The following STK32B variants were observed in gnomAD, a reference collection of about 807,000 sequenced individuals.
The protein encoded by STK32B is serine/threonine kinase 32B, also known as serine/threonine-protein kinase 32B.
In STK32B, 43 loss-of-function variants were observed where a neutral mutation model predicts 52.6. The observed-to-expected ratio is 0.82, with a 90% CI of 0.64 to 1.05. The LOEUF is 1.05. STK32B is among the 50% of genes least tolerant of loss of function. STK32B has a pLI of 0.00. For missense variants in STK32B, 621 were observed against 534.6 expected (o/e 1.16, Z -1.59); for synonymous variants, 238 against 204.3 (o/e 1.17, Z -1.41).
chr4:5,204,971 G>T (rs1436276144), intron 3 of STK32B, among the ~76,000 whole-genome samples: 1 of 152,188 alleles, frequency 6.6e-6, no homozygotes, highest in Non-Finnish European at 1.5e-5. Context: ...TTCCAAAGCA[G>T]ATTAGCATTT....
chr4:5,160,803 T>C (rs1718381783), intron 2 of STK32B, among the ~76,000 whole-genome samples: 2 of 152,072 alleles, frequency 1.3e-5, no homozygotes, highest in South Asian at 4.1e-4. Context: ...GCATGTCCTG[T>C]GATGGGAGCA....
At chr4:5,059,099 G>C (rs1453577608) in intron 1 of STK32B, among the ~76,000 whole-genome samples, 1 of 121,056 alleles carries the variant, frequency 8.3e-6, no homozygotes, top group Non-Finnish European at 1.7e-5. Context: ...TGAGGTTTTG[G>C]GGTCTGTTGC....
rs183135957 is a variant in STK32B at position 5,255,939 on chromosome 4, A to G, written c.261-75281A>G. On this transcript the variant is annotated intron_variant, in intron 3 of 11. Transcript: ENST00000282908. Reference sequence around the variant, plus strand: ...ATGTCCCTTGAGTATTTTATACCTCATAAAGGTGTTGAATGGAGTGACACA... The same window carrying G: ...ATGTCCCTTGAGTATTTTATACCTCGTAAAGGTGTTGAATGGAGTGACACA... Among the ~76,000 whole-genome samples the G allele has an allele frequency of 3.2e-3, 483 of 152,316 alleles. 5 individuals carry two copies. Among genetic ancestry groups the G allele is most frequent in the African/African-American group, 0.011 (450 of 41,562 alleles).
At chr4:5,431,510 C>CTT (rs11403448) in intron 6 of STK32B, among the ~76,000 whole-genome samples, 4,539 of 148,928 alleles carry the variant, frequency 0.03, 173 homozygotes, top group African/African-American at 0.087. Context: ...TCCAAAAGTC[C>CTT]TTTTTTTTTT....
At chr4:5,173,935 G>A (rs933638144) in intron 3 of STK32B, among the ~76,000 whole-genome samples, 1 of 152,162 alleles carries the variant, frequency 6.6e-6, no homozygotes, top group Non-Finnish European at 1.5e-5. Context: ...TGGTGTGGGA[G>A]TCTAAGTCTC....
intron 1 of STK32B, among the ~76,000 whole-genome samples, chr4:5,125,690 C>G (rs893273755): frequency 6.6e-6 from 1 of 152,182 alleles, no homozygotes; most frequent in African/African-American, 2.4e-5. Context: ...CCTCTCTACT[C>G]TCATCCCCGC....
At chr4:5,043,574 G>A in the STK32B span, among the ~76,000 whole-genome samples, 2 of 152,198 alleles carry the variant, frequency 1.3e-5, no homozygotes, top group East Asian at 3.8e-4. Flanking sequence ...TTAGGAGGTG[G>A]TGCATATACT....
chr4:5,020,081 G>A, the STK32B span, among the ~76,000 whole-genome samples: 2 of 152,172 alleles, frequency 1.3e-5, no homozygotes, highest in African/African-American at 2.4e-5. Context: ...CTGAGCGGCC[G>A]TATGTGTGGG....
chr4:5,203,973 A>G (rs920194263), intron 3 of STK32B: 1 of 152,216 alleles, frequency 6.6e-6, no homozygotes, highest in Non-Finnish European at 1.5e-5. Flanking sequence ...GTCATAATGC[A>G]TTCTCCATAG....
At chr4:5,146,965 A>G (rs1483044141) in intron 2 of STK32B, among the ~76,000 whole-genome samples, 1 of 152,216 alleles carries the variant, frequency 6.6e-6, no homozygotes, top group African/African-American at 2.4e-5. Context: ...GTGGAATTAC[A>G]ATTGGTCAAA....
At chr4:5,032,913 G>A in the STK32B span, among the ~76,000 whole-genome samples, 1,886 of 152,118 alleles carry the variant, frequency 0.012, 40 homozygotes, top group African/African-American at 0.043. Flanking sequence ...CTCACAGACC[G>A]GCTCTTTCCC....
intron 5 of STK32B, among the ~76,000 whole-genome samples, chr4:5,410,053 G>C (rs1003906064): frequency 6.6e-6 from 1 of 152,164 alleles, no homozygotes; most frequent in African/African-American, 2.4e-5. Context: ...TCTCCATGAA[G>C]ATAAATGAGA....
At position 5,481,290 on chromosome 4, in the gene STK32B, T is replaced by C. The variant is rs574035600; in HGVS notation, c.1106+13220T>C. Among the ~76,000 whole-genome samples the C allele has an allele frequency of 4.6e-5, 7 of 152,336 alleles. No individual in the cohort carries two copies. The East Asian group carries it at 1.3e-3, about 29-fold the overall frequency. ...GATTGCCATTCTAACTGGTGTGAGA[T>C]GGTATCTCATTGTGGTTTTGATTTG... On this transcript the variant is annotated intron_variant, in intron 11 of 11. Coordinates refer to ENST00000282908, the MANE Select transcript of STK32B (RefSeq NM_018401.3).
At chr4:5,151,073 G>A (rs1039661198) in intron 2 of STK32B, among the ~76,000 whole-genome samples, 5 of 152,084 alleles carry the variant, frequency 3.3e-5, no homozygotes, top group Admixed American at 6.6e-5. Context: ...GTCATCATCC[G>A]TTGAAAATTT....
chr4:5,458,950 A>T (rs35454969), intron 8 of STK32B: 22,066 of 152,262 alleles, frequency 0.14, 1,885 homozygotes, highest in East Asian at 0.35. Context: ...TGGAAGCCTT[A>T]CATACCACCA....
chr4:5,326,249 C>T (rs2108946745), intron 3 of STK32B, among the ~76,000 whole-genome samples: 1 of 152,282 alleles, frequency 6.6e-6, no homozygotes, highest in Admixed American at 6.5e-5. Context: ...AATTGTGCAT[C>T]TGTAGTCGGC....
intron 4 of STK32B, among the ~76,000 whole-genome samples, chr4:5,370,717 G>C (rs991747787): frequency 1.1e-4 from 17 of 152,108 alleles, no homozygotes; most frequent in Non-Finnish European, 2.2e-4. Context: ...TGACAGCCGG[G>C]CATAGTGGCT....
At chr4:5,122,369 T>C (rs111203587) in intron 1 of STK32B, among the ~76,000 whole-genome samples, 5 of 47,538 alleles carry the variant, frequency 1.1e-4, no homozygotes, top group African/African-American at 7.0e-5. Context: ...TGTTCACTCA[T>C]TCACTCATTC....
chr4:5,495,364 T>G (rs914588008), intron 11 of STK32B, among the ~76,000 whole-genome samples: 1 of 152,198 alleles, frequency 6.6e-6, no homozygotes, highest in African/African-American at 2.4e-5. Context: ...CCAGTTGATC[T>G]CATTGGCTCC....
Sources: allele counts gnomAD v4.1 joint callset (sites outside exome capture counted in the v4.1 genomes callset), GRCh38; gene constraint gnomAD v4.1.1; transcripts MANE v1.5; gene names NCBI Gene and HGNC (gene_info 2026-07-23, HGNC 2026-07-21).